SNUPN: variants seen among roughly 807,000 people sequenced by gnomAD.
SNUPN encodes snurportin 1, also known as snurportin-1.
Under a neutral mutation model 39.2 loss-of-function variants are expected in SNUPN, and 31 were observed. That is an observed-to-expected ratio of 0.79 (90% confidence interval 0.59 to 1.07). The LOEUF is 1.07. Among genes scored for constraint, SNUPN ranks in the 50% least tolerant of loss-of-function variants. The probability of loss-of-function intolerance (pLI) is 0.00; values close to 1 mark genes in which losing one functional copy is unlikely to be tolerated. For missense variants in SNUPN, 382 were observed against 434.2 expected, an observed-to-expected ratio of 0.88 and a Z score of 1.07; for synonymous variants, 132 against 159.0, an observed-to-expected ratio of 0.83 and a Z score of 1.28.
At chr15:75,605,127 G>A (rs1431234280) in intron 7 of SNUPN, 23 bp downstream of exon 7, 1 of 1,532,998 alleles carries the variant, frequency 6.5e-7, no homozygotes, top group Non-Finnish European at 9.0e-7. Flanking sequence ...AAGGAACTCA[G>A]TGATCCTAAC....
intron 5 of SNUPN, among the ~76,000 whole-genome samples, chr15:75,609,217 C>G (rs1009146642): frequency 8.5e-6 from 1 of 117,160 alleles, no homozygotes; most frequent in African/African-American, 3.2e-5. Context: ...GAGTCTCGCT[C>G]TGTCGCCCAG....
Position 75,621,070 on chromosome 15 carries a change from C to T in SNUPN, c.-5-14G>A, listed in dbSNP as rs561792099. On this transcript the variant is annotated splice_polypyrimidine_tract_variant and intron_variant, in intron 1 of 8. Transcript: ENST00000308588. ...CTTCCATCTTCCCTACAAAGGAAAACGTAAGAAAATGGTTCATTCATTTCA... is the reference window on the plus strand; with the variant it reads ...CTTCCATCTTCCCTACAAAGGAAAATGTAAGAAAATGGTTCATTCATTTCA... The T allele has an allele frequency of 1.4e-5, 23 of 1,613,176 alleles. No homozygotes were observed. Among genetic ancestry groups the T allele is most frequent in the East Asian group, 6.7e-5 (3 of 44,868 alleles).
intron 1 of SNUPN, chr15:75,625,276 C>G (rs1893193937): frequency 6.9e-6 from 1 of 144,354 alleles, no homozygotes; most frequent in African/African-American, 2.5e-5. Flanking sequence ...GTCTCCCCAT[C>G]CGGCGCCCCC....
At chr15:75,601,381 C>T (rs944507801) in intron 7 of SNUPN, among the ~76,000 whole-genome samples, 163 bp from the exon 8 acceptor site, 4 of 151,936 alleles carry the variant, frequency 2.6e-5, no homozygotes, top group Admixed American at 2.0e-4. Flanking sequence ...TCAAGACAAG[C>T]CTGGCCAACA....
chr15:75,621,970 A>G (rs1269581870), intron 1 of SNUPN, among the ~76,000 whole-genome samples: 1 of 152,202 alleles, frequency 6.6e-6, no homozygotes, highest in African/African-American at 2.4e-5. Flanking sequence ...TGGGAGGCGG[A>G]GGTTGCAGTG....
intron 5 of SNUPN, among the ~76,000 whole-genome samples, chr15:75,608,182 G>A (rs575871002): frequency 6.6e-6 from 1 of 152,214 alleles, no homozygotes; most frequent in African/African-American, 2.4e-5. Flanking sequence ...AGGAGTTTCA[G>A]ACCAGCCTGG....
intron 5 of SNUPN, among the ~76,000 whole-genome samples, chr15:75,609,001 G>A (rs1159575120): frequency 6.6e-6 from 1 of 151,780 alleles, no homozygotes; most frequent in Non-Finnish European, 1.5e-5. Context: ...TTAGCCGGGT[G>A]CAGCCTATAA....
intron 7 of SNUPN, among the ~76,000 whole-genome samples, chr15:75,601,602 C>G (rs1462195497): frequency 6.6e-6 from 1 of 151,550 alleles, no homozygotes; most frequent in African/African-American, 2.4e-5. Flanking sequence ...AAGAAAATCT[C>G]TGTCAAAGAA....
intron 3 of SNUPN, among the ~76,000 whole-genome samples, chr15:75,611,474 G>A (rs990486042): frequency 4.6e-5 from 7 of 151,290 alleles, no homozygotes; most frequent in Non-Finnish European, 8.8e-5. Context: ...GGATGGTCTC[G>A]ATCTCCTGAC....
At chr15:75,611,441 A>G (rs1892777658) in intron 3 of SNUPN, among the ~76,000 whole-genome samples, 1 of 151,020 alleles carries the variant, frequency 6.6e-6, no homozygotes, top group African/African-American at 2.4e-5. Flanking sequence ...TTTAGTAGAG[A>G]CGGGGTTTCA....
chr15:75,616,436 C>T lies in SNUPN; in HGVS notation c.303+972G>A, dbSNP rs572841839. On this transcript the variant is annotated intron_variant, in intron 3 of 8. Transcript: ENST00000308588. ...TCGTACCACTGCACTCCAGCCTGGG[C>T]AACAAGAGCAAAACTCTGTCTCAAA... Among the ~76,000 whole-genome samples the T allele has an allele frequency of 3.0e-4, 45 of 151,538 alleles. 1 individual carries two copies. The highest frequency in any genetic ancestry group is 6.3e-4 in the South Asian group (3 of 4,782).
intron 6 of SNUPN, among the ~76,000 whole-genome samples, chr15:75,606,044 C>T (rs1050854843): frequency 2.6e-5 from 4 of 152,114 alleles, no homozygotes; most frequent in South Asian, 2.1e-4. Flanking sequence ...ACTCAGAAGG[C>T]GGAGGCAGGA....
chr15:75,617,261 T>C (rs1055689325), intron 3 of SNUPN, 147 bp downstream of exon 3: 1 of 793,560 alleles, frequency 1.3e-6, no homozygotes, highest in Non-Finnish European at 2.0e-6. Context: ...CCATATGATC[T>C]ACGTACACTG....
chr15:75,622,157 G>C lies in SNUPN; in HGVS notation c.-5-1101C>G, dbSNP rs567226619. On this transcript the variant is annotated intron_variant, in intron 1 of 8. Transcript: ENST00000308588. ...GCAGGAGGATCACTTGAGGCCAGTA[G>C]TTCAAGACCAACCTGGACAATGTAG... 5.3e-5 allele frequency among the ~76,000 whole-genome samples: 8 copies of C among 152,346 alleles called. No homozygotes were observed. The South Asian group carries it at 1.0e-3, about 20-fold the overall frequency.
At chr15:75,611,643 C>A (rs1215815650) in intron 3 of SNUPN, among the ~76,000 whole-genome samples, 1 of 151,688 alleles carries the variant, frequency 6.6e-6, no homozygotes, top group South Asian at 2.1e-4. Context: ...GATCATGAGG[C>A]CAAGAAATCG....
At chr15:75,615,608 T>TC (rs1281436675) in intron 3 of SNUPN, among the ~76,000 whole-genome samples, 1 of 139,336 alleles carries the variant, frequency 7.2e-6, no homozygotes, top group African/African-American at 2.8e-5. Flanking sequence ...TTTTTTTTTT[T>TC]TTTTTTTTTT....
In SNUPN at chr15:75,609,938, A is replaced by T. The variant is rs200005780; in HGVS notation, c.360T>A (p.Ile120=). The T allele has an allele frequency of 4.8e-5, 77 of 1,614,166 alleles. 1 individual carries two copies. In the East Asian group the frequency reaches 1.6e-3, roughly 35 times the overall value. ...DVPSDLGQEW[I]VVVCPVGKRA... is the part of the protein sequence containing the mutation. ...TTTTTCCAACAGGGCACACGACCAC[A>T]ATCCATTCCTGCCCCAAATCTGAAG... Residue 120 remains isoleucine (I), a synonymous_variant, in exon 4 of 9, where the codon ATT becomes ATA. Transcript: ENST00000308588.
At chr15:75,612,935 T>G (rs370162760) in intron 3 of SNUPN, among the ~76,000 whole-genome samples, 133 of 151,950 alleles carry the variant, frequency 8.8e-4, no homozygotes, top group African/African-American at 3.1e-3. Context: ...TATGTGCAAA[T>G]CATGTATCTG....
intron 7 of SNUPN, among the ~76,000 whole-genome samples, chr15:75,603,438 G>A (rs2075306492): frequency 6.7e-6 from 1 of 148,518 alleles, no homozygotes; most frequent in Non-Finnish European, 1.5e-5. Flanking sequence ...GAGGCAGGCA[G>A]ATCACAAGGT....
Sources: gnomAD v4.1 joint callset for allele counts (sites outside exome capture counted in the v4.1 genomes callset) on GRCh38, gnomAD v4.1.1 for gene constraint, MANE v1.5 for transcripts, NCBI Gene and HGNC (gene_info 2026-07-23, HGNC 2026-07-21) for gene names.